Variants in NELL1 observed in about 807,000 individuals in gnomAD.
NELL1 encodes the protein neural EGFL like 1, also known as protein kinase C-binding protein NELL1.
NELL1 carries 76 observed loss-of-function variants against 107.4 expected under a neutral mutation model. That is an observed-to-expected ratio of 0.71 (90% confidence interval 0.59 to 0.86). NELL1 has a LOEUF of 0.86. Among genes scored for constraint, NELL1 ranks in the 40% least tolerant of loss-of-function variants. The pLI is 0.00. For missense variants in NELL1, 1,024 were observed against 1,005.5 expected (o/e 1.02, Z -0.25); for synonymous variants, 353 against 341.2 (o/e 1.03, Z -0.38).
chr11:21,462,974 A>G (rs914738448), intron 15 of NELL1, among the ~76,000 whole-genome samples: 1 of 152,096 alleles, frequency 6.6e-6, no homozygotes, highest in Non-Finnish European at 1.5e-5. Flanking sequence ...AACACCAAGA[A>G]AAAAATGTGG....
In NELL1 at chr11:20,975,916, A is replaced by ATC. The variant is rs1564995613; in HGVS notation, c.1300+15356_1300+15357insTC. On this transcript the variant is annotated intron_variant, in intron 12 of 19. Transcript: ENST00000357134. ...TATATACATATATGTGTATTATATAAACACACATATATGTACATATATGTG... is the reference window on the plus strand; with the variant it reads ...TATATACATATATGTGTATTATATAATCACACACATATATGTACATATATGTG... Among the ~76,000 whole-genome samples the ATC allele has an allele frequency of 1.7e-3, 154 of 89,566 alleles. 1 individual carries two copies. Among genetic ancestry groups the ATC allele is most frequent in the East Asian group, 9.1e-3 (17 of 1,860 alleles). The allele number at this position is 89,566 out of a possible 152,430, so 58.8% of individuals were successfully genotyped here.
intron 12 of NELL1, among the ~76,000 whole-genome samples, chr11:20,973,101 CTTTTTTTTTTTT>C (rs761894107): frequency 4.3e-5 from 4 of 92,500 alleles, no homozygotes; most frequent in East Asian, 3.4e-4. Flanking sequence ...ATCTTCATTA[CTTTTTTTTTTTT>C]TTTTTTTTTT....
chr11:21,574,527 T>A (rs1857177126), intron 19 of NELL1, among the ~76,000 whole-genome samples: 1 of 151,860 alleles, frequency 6.6e-6, no homozygotes, highest in African/African-American at 2.4e-5. Flanking sequence ...CCATGAGAGA[T>A]TTTATGCAAA....
intron 12 of NELL1, among the ~76,000 whole-genome samples, chr11:21,008,112 T>A (rs1354139568): frequency 6.6e-6 from 1 of 152,140 alleles, no homozygotes; most frequent in Non-Finnish European, 1.5e-5. Context: ...ACTCGCTAGC[T>A]CTCATCTCCT....
intron 2 of NELL1, among the ~76,000 whole-genome samples, chr11:20,721,197 A>T (rs1214756346): frequency 3.5e-3 from 379 of 108,208 alleles, no homozygotes; most frequent in East Asian, 0.016. Context: ...ATATATATAT[A>T]GTGTATATAT....
At chr11:21,482,081 C>T (rs1051122207) in intron 15 of NELL1, among the ~76,000 whole-genome samples, 1 of 151,838 alleles carries the variant, frequency 6.6e-6, no homozygotes, top group African/African-American at 2.4e-5. Flanking sequence ...TAAATTTAAG[C>T]AAAAAGGAAT....
At chr11:21,566,507 C>T (rs1487730612) in intron 17 of NELL1, among the ~76,000 whole-genome samples, 1 of 151,762 alleles carries the variant, frequency 6.6e-6, no homozygotes, top group Non-Finnish European at 1.5e-5. Context: ...AATTCAGAAG[C>T]AATTTAAATA....
At chr11:20,873,488 T>C (rs1242923473) in intron 4 of NELL1, among the ~76,000 whole-genome samples, 1 of 152,228 alleles carries the variant, frequency 6.6e-6, no homozygotes, top group East Asian at 1.9e-4. Flanking sequence ...CCTAAAAACA[T>C]TAATAATGTT....
At chr11:21,042,106 C>CT (rs779037890) in intron 12 of NELL1, among the ~76,000 whole-genome samples, 3 of 152,196 alleles carry the variant, frequency 2.0e-5, no homozygotes, top group Non-Finnish European at 4.4e-5. Context: ...TCTACTTTTA[C>CT]GTTTTTTCTC....
At chr11:20,977,955 C>G (rs1275983268) in intron 12 of NELL1, among the ~76,000 whole-genome samples, 1 of 152,162 alleles carries the variant, frequency 6.6e-6, no homozygotes, top group Non-Finnish European at 1.5e-5. Flanking sequence ...AGTTGAGAGA[C>G]TTGCCTGAGG....
chr11:20,970,871 G>C (rs1410863923), intron 12 of NELL1, among the ~76,000 whole-genome samples: 12 of 151,210 alleles, frequency 7.9e-5, no homozygotes, highest in Admixed American at 7.9e-4. Flanking sequence ...ATTGGGTTAT[G>C]GAAAAAAAAA....
At chr11:20,807,854 C>A (rs539896644) in intron 3 of NELL1, among the ~76,000 whole-genome samples, 2 of 152,294 alleles carry the variant, frequency 1.3e-5, no homozygotes, top group Admixed American at 6.5e-5. Flanking sequence ...GGAAGTAGTG[C>A]CAGGCTACCA....
At chr11:21,384,080 A>T (rs1945448) in intron 15 of NELL1, among the ~76,000 whole-genome samples, 3 of 151,838 alleles carry the variant, frequency 2.0e-5, no homozygotes, top group South Asian at 2.1e-4. Flanking sequence ...ACTTCATATG[A>T]TCTCCACTGC....
intron 2 of NELL1, among the ~76,000 whole-genome samples, chr11:20,748,544 T>A (rs886981251): frequency 2.0e-5 from 3 of 152,090 alleles, no homozygotes; most frequent in Non-Finnish European, 2.9e-5. Context: ...TTTTTTTAAT[T>A]CCTTATTCCC....
intron 14 of NELL1, among the ~76,000 whole-genome samples, chr11:21,280,163 T>C (rs1365438436): frequency 2.0e-5 from 3 of 152,200 alleles, no homozygotes; most frequent in Admixed American, 1.3e-4. Flanking sequence ...GGTCCAAACC[T>C]GTACAATGTA....
At chr11:21,202,249 C>G (rs888448006) in intron 13 of NELL1, among the ~76,000 whole-genome samples, 39 of 152,306 alleles carry the variant, frequency 2.6e-4, no homozygotes, top group Admixed American at 8.5e-4. Flanking sequence ...GTGAATCCGT[C>G]TGGTCCTGGA....
rs145244541 is a variant in NELL1 at position 20,913,741 on chromosome 11, C to A, written c.604-4441C>A. Among the ~76,000 whole-genome samples, 536 of 151,286 alleles carry A rather than the reference C, an allele frequency of 3.5e-3. 3 individuals are homozygous for A. The highest frequency in any genetic ancestry group is 0.013 in the African/African-American group (521 of 41,176). On this transcript the variant is annotated intron_variant, in intron 5 of 19. Transcript: ENST00000357134. ...AAGCTTATTAATTTTGGGCTCTGCA[C>A]CTTAGGGATTTATTTAAGGCCTCAG...
chr11:21,007,961 T>A (rs752780366), intron 12 of NELL1, among the ~76,000 whole-genome samples: 6 of 152,126 alleles, frequency 3.9e-5, no homozygotes, highest in Non-Finnish European at 8.8e-5. Context: ...CTGTGATTTG[T>A]CCTAGAGACA....
chr11:20,931,984 G>A (rs535551992), intron 9 of NELL1, among the ~76,000 whole-genome samples: 4 of 152,178 alleles, frequency 2.6e-5, no homozygotes, highest in South Asian at 2.1e-4. Context: ...GAGTGTTCAC[G>A]GACTTCTCTT....
Sources: allele counts gnomAD v4.1 joint callset (sites outside exome capture counted in the v4.1 genomes callset), GRCh38; gene constraint gnomAD v4.1.1; transcripts MANE v1.5; gene names NCBI Gene and HGNC (gene_info 2026-07-23, HGNC 2026-07-21).